Variants in GOSR2 observed in about 807,000 individuals in gnomAD.
GOSR2 encodes 27 kDa Golgi SNARE protein.
Under a neutral mutation model 27.9 loss-of-function variants are expected in GOSR2, and 20 were observed. The observed-to-expected ratio is 0.72, with a 90% CI of 0.50 to 1.04. GOSR2 has a LOEUF of 1.04. Among genes scored for constraint, GOSR2 ranks in the 50% least tolerant of loss-of-function variants. The probability of loss-of-function intolerance (pLI) is 0.00; values close to 1 mark genes in which losing one functional copy is unlikely to be tolerated. For synonymous variants in GOSR2, 91 were observed against 98.8 expected, an observed-to-expected ratio of 0.92 and a Z score of 0.47; for missense variants, 261 against 270.5, an observed-to-expected ratio of 0.97 and a Z score of 0.25.
downstream of GOSR2, among the ~76,000 whole-genome samples, chr17:46,970,593 G>A (rs1270706073): frequency 6.8e-6 from 1 of 147,534 alleles, no homozygotes; most frequent in Non-Finnish European, 1.5e-5. Context: ...GCTGCAACAT[G>A]AGGACTCCAG....
chr17:46,964,431 G>A (rs905523650), intron 6 of GOSR2: 4 of 152,176 alleles, frequency 2.6e-5, no homozygotes, highest in African/African-American at 9.7e-5. Flanking sequence ...AAGAGCAGCC[G>A]GGACCTGCTG....
chr17:46,965,966 A>G (rs1030093849), intron 6 of GOSR2, among the ~76,000 whole-genome samples: 14 of 151,976 alleles, frequency 9.2e-5, no homozygotes, highest in African/African-American at 3.1e-4. Context: ...TGCTGTTTAT[A>G]ATGATGCAGG....
chr17:46,929,687 C>A, intron 2 of GOSR2, 103 bp downstream of exon 2: 2 of 724,854 alleles, frequency 2.8e-6, no homozygotes, highest in East Asian at 2.6e-5. Context: ...AATGATTCAG[C>A]GTGGAATGAG....
downstream of GOSR2, among the ~76,000 whole-genome samples, chr17:46,969,420 G>A (rs889637409): frequency 3.9e-5 from 6 of 152,276 alleles, no homozygotes; most frequent in East Asian, 9.7e-4. Context: ...TGCTGGTTCC[G>A]CCACCTCCTC....
At chr17:46,950,431 G>C (rs1382675852) in intron 6 of GOSR2, among the ~76,000 whole-genome samples, 14 of 152,190 alleles carry the variant, frequency 9.2e-5, no homozygotes. Flanking sequence ...CTAAGTGTAT[G>C]ATCAGTGCCA....
In GOSR2 at chr17:46,923,209, A is replaced by G. The variant is rs749270151; in HGVS notation, c.17A>G (p.Gln6Arg). Residue 6 changes from glutamine (Q) to arginine (R), a missense_variant, in exon 1 of 6, where the codon CAG becomes CGG. Physicochemically the swap from Gln to Arg is conservative, Grantham distance 43 (BLOSUM62 1). Transcript: ENST00000640051. ...GCCGGCGACATGGATCCCCTGTTCC[A>G]GCAAACGCACAAGTGAGGGCCGGTC... is the stretch of plus-strand genomic sequence containing the variant. MDPLF[Q>R]QTHKQVHEIQ... 1.1e-4 allele frequency: 176 copies of G among 1,550,018 alleles called. 4 individuals are homozygous for G. The South Asian group carries it at 2.0e-3, about 18-fold the overall frequency.
chr17:46,966,503 A>C (rs2091327823), intron 6 of GOSR2: 1 of 684,156 alleles, frequency 1.5e-6, no homozygotes, highest in Non-Finnish European at 2.7e-6. Flanking sequence ...GCACCCCACC[A>C]CACCCGATTA....
chr17:46,931,769 A>G (rs912006183), intron 3 of GOSR2: 41 of 482,130 alleles, frequency 8.5e-5, no homozygotes, highest in South Asian at 5.3e-4. Flanking sequence ...AAGGTCAAGA[A>G]GAGGTCAGTG....
At chr17:46,965,765 G>A (rs1020832557) in intron 6 of GOSR2, among the ~76,000 whole-genome samples, 1 of 151,818 alleles carries the variant, frequency 6.6e-6, no homozygotes, top group Non-Finnish European at 1.5e-5. Flanking sequence ...TGGGACTACC[G>A]GCACACAGCA....
At chr17:46,974,429 G>T (rs1007115037) in intron 6 of GOSR2, among the ~76,000 whole-genome samples, 1 of 152,184 alleles carries the variant, frequency 6.6e-6, no homozygotes, top group Non-Finnish European at 1.5e-5. Flanking sequence ...CCAATGTGTT[G>T]TGGGGAGCAA....
At chr17:46,950,277 G>A (rs564607938) in intron 6 of GOSR2, among the ~76,000 whole-genome samples, 13 of 152,324 alleles carry the variant, frequency 8.5e-5, no homozygotes, top group African/African-American at 3.1e-4. Context: ...CTGGTCCCCA[G>A]AGAGTGTGGA....
downstream of GOSR2, among the ~76,000 whole-genome samples, chr17:46,946,461 CA>C (rs61284512): frequency 0.22 from 21,471 of 98,830 alleles, 1,500 homozygotes; most frequent in African/African-American, 0.32. Context: ...AACTCCGTCT[CA>C]AAAAAAAAAA....
chr17:46,941,052 C>G lies in GOSR2; in HGVS notation c.*2292C>G. 1 of 1,081,500 alleles carries G rather than the reference C, an allele frequency of 9.2e-7. No individual in the cohort carries two copies. The highest frequency in any genetic ancestry group is 1.1e-6 in the Non-Finnish European group (1 of 886,316). 67.0% of individuals were successfully genotyped at this position (1,081,500 alleles called of 1,614,324 possible). A position where few individuals can be genotyped will look rare whatever the true frequency, so the allele number is the denominator to read the frequency against. ...TAGGTCGAGCTGATGCAAGAAACTC[C>G]GGTAGCCAGCCTCTGTGACCTTGTA... On this transcript the variant is annotated 3_prime_UTR_variant, in exon 6 of 6. Transcript: ENST00000640051.
At chr17:46,967,836 G>A (rs539191057), downstream of GOSR2, among the ~76,000 whole-genome samples, 76 of 152,210 alleles carry the variant, frequency 5.0e-4, no homozygotes, top group African/African-American at 1.7e-3. Context: ...GGGGGGTAGG[G>A]GGCCCAGAGA....
chr17:46,938,571 T>G (rs766414986), intron 5 of GOSR2, 28 bp from the exon 6 acceptor site: 11 of 1,608,108 alleles, frequency 6.8e-6, no homozygotes, highest in African/African-American at 1.3e-5. Context: ...TTGATGTTTG[T>G]TTTTTTTTCT....
At position 46,932,123 on chromosome 17, in the gene GOSR2, T is replaced by C. The variant is rs374912150; in HGVS notation, c.260T>C (p.Phe87Ser). The change falls in exon 4 of 6, where the codon TTC (phenylalanine) becomes TCC (serine). Residue 87 changes from phenylalanine to serine, a missense_variant. By Grantham distance (155) the Phe-to-Ser change is radical. Transcript: ENST00000640051. ...CACCTGCAGACTGCGCTCAGAAACT[T>C]CCAGCATCGGCGCCATGCAAGGGAG... ...VQHLQTALRN[F>S]QHRRHAREQQ... The C allele has an allele frequency of 1.1e-4, 181 of 1,614,002 alleles. No individual in the cohort carries two copies. Among genetic ancestry groups the C allele is most frequent in the Non-Finnish European group, 1.5e-4 (177 of 1,179,900 alleles).
intron 6 of GOSR2, among the ~76,000 whole-genome samples, chr17:46,951,516 A>G (rs969274405): frequency 1.3e-5 from 2 of 152,156 alleles, no homozygotes; most frequent in East Asian, 3.9e-4. Flanking sequence ...GTGCCTTTTA[A>G]CTGGCGTAGC....
At chr17:46,925,894 A>G (rs2086426739) in intron 1 of GOSR2, among the ~76,000 whole-genome samples, 1 of 152,224 alleles carries the variant, frequency 6.6e-6, no homozygotes, top group Non-Finnish European at 1.5e-5. Flanking sequence ...TTACACTTAA[A>G]TGTTTAATTT....
At chr17:46,950,513 C>T (rs948538669) in intron 6 of GOSR2, among the ~76,000 whole-genome samples, 2 of 152,202 alleles carry the variant, frequency 1.3e-5, no homozygotes, top group Non-Finnish European at 2.9e-5. Context: ...ATTAAAATAG[C>T]ACCTATTGGA....
Sources: gnomAD v4.1 joint callset for allele counts (sites outside exome capture counted in the v4.1 genomes callset) on GRCh38, gnomAD v4.1.1 for gene constraint, MANE v1.5 for transcripts, NCBI Gene and HGNC (gene_info 2026-07-23, HGNC 2026-07-21) for gene names.